Variants in RBFOX1 observed in about 807,000 individuals in gnomAD.
The protein encoded by RBFOX1 is RNA binding fox-1 homolog 1, also known as RNA binding protein fox-1 homolog 1.
Under a neutral mutation model 57.7 loss-of-function variants are expected in RBFOX1, and 8 were observed. That is an observed-to-expected ratio of 0.14 (90% CI 0.08 to 0.25). The LOEUF (loss-of-function observed/expected upper bound fraction) is 0.25, where lower values mean the gene tolerates loss of function less well. Among genes scored for constraint, RBFOX1 ranks in the 10% least tolerant of loss-of-function variants. RBFOX1 has a pLI of 1.00. For missense variants in RBFOX1, 611 were observed against 548.5 expected, an observed-to-expected ratio of 1.11 and a Z score of -1.14; for synonymous variants, 326 against 222.4, an observed-to-expected ratio of 1.47 and a Z score of -4.15.
intron 4 of RBFOX1, among the ~76,000 whole-genome samples, chr16:5,973,805 C>G (rs967660110): frequency 1.6e-4 from 24 of 152,186 alleles, no homozygotes; most frequent in East Asian, 7.7e-4. Flanking sequence ...AAGGATCTGT[C>G]TCTTCTGCTA....
intron 1 of RBFOX1, among the ~76,000 whole-genome samples, chr16:6,108,844 G>C (rs2096412214): frequency 6.6e-6 from 1 of 151,998 alleles, no homozygotes; most frequent in Non-Finnish European, 1.5e-5. Context: ...GTACACGTCT[G>C]ATCTCCCTCT....
intron 3 of RBFOX1, among the ~76,000 whole-genome samples, chr16:6,710,664 C>T (rs2063555305): frequency 1.3e-5 from 2 of 152,216 alleles, no homozygotes; most frequent in Non-Finnish European, 2.9e-5. Context: ...TGGCTGAATC[C>T]AGAAACACAC....
rs967623650 is a variant in RBFOX1, at chr16:6,324,174, G to A, written c.-64+7117G>A. 4.5e-5 allele frequency among the ~76,000 whole-genome samples: 5 copies of A among 110,600 alleles called. No individual in the cohort carries two copies. The Admixed American group carries it at 6.0e-4, about 13-fold the overall frequency. The allele number at this position is 110,600 out of a possible 152,430, so 72.6% of individuals were successfully genotyped here. Reference sequence around the variant, plus strand: ...CCTCCCACCCTTCTGAGTCTCCATAGTTCATGCTCTGTGTTCACAGGTACA... The same window carrying A: ...CCTCCCACCCTTCTGAGTCTCCATAATTCATGCTCTGTGTTCACAGGTACA... On this transcript the variant is annotated intron_variant, in intron 2 of 15. Coordinates refer to ENST00000550418, the MANE Select transcript of RBFOX1 (RefSeq NM_018723.4).
chr16:5,764,343 G>T (rs1010483587), intron 3 of RBFOX1, among the ~76,000 whole-genome samples: 1 of 152,168 alleles, frequency 6.6e-6, no homozygotes, highest in African/African-American at 2.4e-5. Flanking sequence ...TGGTGGGGAG[G>T]ACAGGACTCC....
intron 3 of RBFOX1, among the ~76,000 whole-genome samples, chr16:6,735,574 T>C (rs1396143613): frequency 2.0e-5 from 3 of 152,214 alleles, no homozygotes; most frequent in Non-Finnish European, 4.4e-5. Context: ...ATGTGACTTG[T>C]ATTTGCTTAT....
chr16:5,626,320 T>A (rs2048350298), intron 3 of RBFOX1, among the ~76,000 whole-genome samples: 1 of 152,174 alleles, frequency 6.6e-6, no homozygotes. Context: ...ATGACCGTCT[T>A]CTCCCTGTGT....
chr16:5,863,958 G>C (rs1324826259), intron 3 of RBFOX1, among the ~76,000 whole-genome samples: 1 of 152,066 alleles, frequency 6.6e-6, no homozygotes, highest in Admixed American at 6.5e-5. Context: ...GGTTACAAAG[G>C]TAAACTTGTG....
chr16:6,205,471 G>C (rs931569578), intron 1 of RBFOX1, among the ~76,000 whole-genome samples: 1 of 152,152 alleles, frequency 6.6e-6, no homozygotes, highest in African/African-American at 2.4e-5. Flanking sequence ...CTCTGCGTCT[G>C]CTTCTGCTGC....
chr16:7,205,322 A>G (rs897804557), intron 4 of RBFOX1, among the ~76,000 whole-genome samples: 5 of 152,076 alleles, frequency 3.3e-5, no homozygotes, highest in African/African-American at 1.2e-4. Context: ...GTTCAAGACC[A>G]GTCTGGCCAA....
chr16:6,667,044 G>T (rs755192606), intron 3 of RBFOX1, among the ~76,000 whole-genome samples: 2 of 152,094 alleles, frequency 1.3e-5, no homozygotes, highest in East Asian at 1.9e-4. Flanking sequence ...TTTACTAAAC[G>T]TTGAAAATGA....
intron 2 of RBFOX1, among the ~76,000 whole-genome samples, chr16:6,596,556 C>G (rs1225202917): frequency 1.3e-4 from 18 of 143,354 alleles, no homozygotes; most frequent in Non-Finnish European, 1.2e-4. Flanking sequence ...TCAGCCTCAA[C>G]TCTAGGATAA....
chr16:6,894,772 TAAAA>T, intron 3 of RBFOX1, among the ~76,000 whole-genome samples: 1 of 152,324 alleles, frequency 6.6e-6, no homozygotes, highest in South Asian at 2.1e-4. Flanking sequence ...TCTATTATCT[TAAAA>T]AGCCATTTTC....
At chr16:6,325,326 C>T (rs577512859) in intron 2 of RBFOX1, among the ~76,000 whole-genome samples, 11 of 152,104 alleles carry the variant, frequency 7.2e-5, no homozygotes, top group Non-Finnish European at 1.3e-4. Context: ...CACTGCACAC[C>T]AACCTGGAGG....
chr16:6,092,907 G>A lies in RBFOX1; in HGVS notation c.-127+72915G>A, dbSNP rs1297439110. The A allele has an allele frequency of 3.3e-5, 5 of 152,176 alleles. No individual in the cohort carries two copies. The East Asian group carries it at 7.7e-4, about 24-fold the overall frequency. The allele number at this position is 152,176 out of a possible 1,614,324, so 9.4% of individuals were successfully genotyped here. On this transcript the variant is annotated intron_variant, in intron 1 of 15. Coordinates refer to ENST00000550418, the MANE Select transcript of RBFOX1 (RefSeq NM_018723.4). ...GGTTCTATATGAATTTAAAAATAGT[G>A]TTTTTTAATTCCTATGGTGGGAAGA...
intron 3 of RBFOX1, among the ~76,000 whole-genome samples, chr16:6,900,428 A>G (rs760601071): frequency 6.6e-6 from 1 of 152,166 alleles, no homozygotes; most frequent in Non-Finnish European, 1.5e-5. Flanking sequence ...TGCTACCACT[A>G]TCTGCTCTCC....
chr16:5,451,918 C>A (rs908207204), intron 1 of RBFOX1, among the ~76,000 whole-genome samples: 2 of 152,154 alleles, frequency 1.3e-5, no homozygotes, highest in African/African-American at 2.4e-5. Context: ...CTGGGCTTCT[C>A]CCTGAGCTCC....
rs566523345 is a variant in RBFOX1, at chr16:7,446,722, C to G, written c.28-71425C>G. Reference sequence around the variant, plus strand: ...AAACACCAGAAACCCCAGAATTTTTCTCTTACTAAAGAAGACCCTCCACTG... The same window carrying G: ...AAACACCAGAAACCCCAGAATTTTTGTCTTACTAAAGAAGACCCTCCACTG... On this transcript the variant is annotated intron_variant, in intron 4 of 15. Transcript: ENST00000550418. Among the ~76,000 whole-genome samples the G allele has an allele frequency of 1.0e-4, 15 of 148,478 alleles. No homozygotes were observed. The East Asian group carries it at 1.9e-3, about 18-fold the overall frequency.
intron 2 of RBFOX1, among the ~76,000 whole-genome samples, chr16:5,498,992 C>G (rs1046265282): frequency 7.9e-5 from 12 of 152,110 alleles, no homozygotes; most frequent in African/African-American, 2.9e-4. Context: ...ATTCTAGAAC[C>G]CCAGCCTCTA....
chr16:7,671,383 A>ATGTT (rs1384161890), intron 13 of RBFOX1, among the ~76,000 whole-genome samples: 1 of 152,186 alleles, frequency 6.6e-6, no homozygotes, highest in Non-Finnish European at 1.5e-5. Flanking sequence ...GCAACTAAAA[A>ATGTT]TGTTTGTCGA....
Sources: allele counts gnomAD v4.1 joint callset (sites outside exome capture counted in the v4.1 genomes callset), GRCh38; gene constraint gnomAD v4.1.1; transcripts MANE v1.5; gene names NCBI Gene and HGNC (gene_info 2026-07-23, HGNC 2026-07-21).